Variants in SHANK2 observed in about 807,000 individuals in gnomAD.
SHANK2 encodes SH3 and multiple ankyrin repeat domains protein 2.
Under a neutral mutation model 133.7 loss-of-function variants are expected in SHANK2, and 43 were observed. The ratio of observed to expected loss-of-function variants is 0.32; its 90% CI spans 0.25 to 0.41. The LOEUF (loss-of-function observed/expected upper bound fraction) is 0.41. Among genes scored for constraint, SHANK2 ranks in the 10% least tolerant of loss-of-function variants. The pLI, the probability that SHANK2 is intolerant of heterozygous loss-of-function variation, is 1.00. For synonymous variants in SHANK2, 1,017 were observed against 952.8 expected (o/e 1.07, Z -1.24); for missense variants, 1,994 against 2,235.8 (o/e 0.89, Z 2.18).
At chr11:71,177,137 G>T (rs1268705850) in intron 2 of SHANK2, among the ~76,000 whole-genome samples, 1 of 116,370 alleles carries the variant, frequency 8.6e-6, no homozygotes, top group East Asian at 2.0e-4. Context: ...GTAGCCGAAA[G>T]AATTCATGAC....
chr11:71,119,114 C>A (rs1952037083), intron 3 of SHANK2, 82 bp from the exon 4 acceptor site: 12 of 1,238,888 alleles, frequency 9.7e-6, no homozygotes, highest in African/African-American at 1.5e-5. Flanking sequence ...GTCAGAGAGG[C>A]AAAGCTGCTT....
At chr11:71,134,247 G>C (rs1420383415) in intron 3 of SHANK2, among the ~76,000 whole-genome samples, 1 of 151,180 alleles carries the variant, frequency 6.6e-6, no homozygotes, top group Non-Finnish European at 1.5e-5. Flanking sequence ...ACGATGGCCA[G>C]AGCAGGCATC....
Position 70,787,326 on chromosome 11 carries a change from C to T in SHANK2, c.1777+11117G>A, listed in dbSNP as rs565621313. On this transcript the variant is annotated intron_variant, in intron 14 of 25. Transcript: ENST00000601538. ...AGCATCACCACCATCATCACCATGA[C>T]CACCATGACCACCACCACCACCAGC... Among the ~76,000 whole-genome samples, 3 of 147,750 alleles carry T rather than the reference C, an allele frequency of 2.0e-5. No individual in the cohort carries two copies. The Admixed American group carries it at 2.0e-4, about 10-fold the overall frequency.
chr11:71,212,692 C>G (rs1954307853), intron 2 of SHANK2, among the ~76,000 whole-genome samples: 1 of 152,228 alleles, frequency 6.6e-6, no homozygotes, highest in African/African-American at 2.4e-5. Flanking sequence ...AAACTCAATC[C>G]AAGTCCTCAA....
intron 2 of SHANK2, among the ~76,000 whole-genome samples, chr11:71,201,682 C>T (rs150292945): frequency 8.5e-5 from 13 of 152,338 alleles, no homozygotes; most frequent in South Asian, 2.1e-4. Context: ...CACAGGTTCA[C>T]GGCCACAGAG....
chr11:71,139,000 G>C (rs1422660336), intron 3 of SHANK2, among the ~76,000 whole-genome samples: 1 of 151,978 alleles, frequency 6.6e-6, no homozygotes, highest in African/African-American at 2.4e-5. Flanking sequence ...GAGAGAGGGA[G>C]GACAGCTGAG....
intron 11 of SHANK2, among the ~76,000 whole-genome samples, chr11:70,887,995 A>T (rs1486175702): frequency 6.6e-6 from 1 of 152,138 alleles, no homozygotes; most frequent in East Asian, 1.9e-4. Context: ...TATGTCTCCT[A>T]AGCTAAGTTG....
chr11:70,865,600 G>C lies in SHANK2; in HGVS notation c.1174+30901C>G, dbSNP rs930899853. On this transcript the variant is annotated intron_variant, in intron 11 of 25. Transcript: ENST00000601538. Reference sequence around the variant, plus strand: ...TGCCTCAGGGTGGGGTGGGGTGGCCGGGCAGGCTCAGCAGCAGAGGGTGGG... The same window carrying C: ...TGCCTCAGGGTGGGGTGGGGTGGCCCGGCAGGCTCAGCAGCAGAGGGTGGG... Among the ~76,000 whole-genome samples the C allele has an allele frequency of 2.0e-5, 3 of 152,194 alleles. No individual in the cohort carries two copies. The East Asian group carries it at 5.8e-4, about 29-fold the overall frequency.
intron 17 of SHANK2, among the ~76,000 whole-genome samples, chr11:70,653,168 T>C (rs1489767417): frequency 6.6e-6 from 1 of 151,874 alleles, no homozygotes; most frequent in Non-Finnish European, 1.5e-5. Context: ...AGAGACGGGG[T>C]TTCACCATGT....
At chr11:71,243,506 A>G (rs879955791) in intron 1 of SHANK2, among the ~76,000 whole-genome samples, 14 of 152,152 alleles carry the variant, frequency 9.2e-5, no homozygotes, top group Non-Finnish European at 1.8e-4. Context: ...CATCCTGGCT[A>G]GCACGGTGAA....
intron 11 of SHANK2, chr11:70,826,749 A>C: frequency 3.2e-6 from 1 of 308,008 alleles, no homozygotes; most frequent in Non-Finnish European, 6.5e-6. Context: ...GCTGCTCTCA[A>C]ACCCGGCTAC....
At chr11:70,915,372 A>G (rs1419919444) in intron 10 of SHANK2, among the ~76,000 whole-genome samples, 1 of 152,224 alleles carries the variant, frequency 6.6e-6, no homozygotes, top group Non-Finnish European at 1.5e-5. Context: ...TCTTTCAGTT[A>G]TGATTCATGG....
At position 70,712,454 on chromosome 11, in the gene SHANK2, C is replaced by T. The variant is rs528910093; in HGVS notation, c.1778-13691G>A. On this transcript the variant is annotated intron_variant, in intron 14 of 25. Coordinates refer to ENST00000601538, the MANE Select transcript of SHANK2 (RefSeq NM_012309.5). ...CAAAGAGACCATCCCTGTCAGACAG[C>T]ACAGCTGGGCAGGCTGTGCTCTGAA... Among the ~76,000 whole-genome samples the T allele has an allele frequency of 2.0e-4, 30 of 152,344 alleles. No homozygotes were observed. The South Asian group carries it at 2.9e-3, about 15-fold the overall frequency.
At chr11:70,732,291 G>C (rs1444814760) in intron 14 of SHANK2, among the ~76,000 whole-genome samples, 2 of 152,202 alleles carry the variant, frequency 1.3e-5, no homozygotes, top group Non-Finnish European at 2.9e-5. Context: ...GTGCCTGCAG[G>C]TCACAGACAA....
chr11:71,193,747 G>A (rs551214267), intron 2 of SHANK2, among the ~76,000 whole-genome samples: 85 of 152,240 alleles, frequency 5.6e-4, no homozygotes, highest in African/African-American at 1.9e-3. Context: ...CGCCCCCGGA[G>A]GCCAGGAGGC....
At chr11:70,756,409 C>T (rs1704050260) in intron 14 of SHANK2, among the ~76,000 whole-genome samples, 2 of 152,174 alleles carry the variant, frequency 1.3e-5, no homozygotes, top group South Asian at 4.1e-4. Flanking sequence ...TAGGGATAGA[C>T]AGGAGGTGAA....
chr11:70,748,707 T>C (rs904138540), intron 14 of SHANK2, among the ~76,000 whole-genome samples: 1 of 152,312 alleles, frequency 6.6e-6, no homozygotes, highest in South Asian at 2.1e-4. Flanking sequence ...GCAGACAAAC[T>C]AGAAGAAGGA....
Position 70,500,736 on chromosome 11 carries a change from G to A in SHANK2, c.2288-146C>T, listed in dbSNP as rs782105671. 68 of 1,059,836 alleles carry A rather than the reference G, an allele frequency of 6.4e-5. No homozygotes were observed. In the African/African-American group the frequency reaches 6.8e-4, roughly 11 times the overall value. The allele number at this position is 1,059,836 out of a possible 1,614,324, so 65.7% of individuals were successfully genotyped here. On this transcript the variant is annotated intron_variant, in intron 20 of 25. Coordinates refer to ENST00000601538, the MANE Select transcript of SHANK2 (RefSeq NM_012309.5). This position sits in a 1 kb window ranked among gnomAD's most constrained non-coding sequence, Gnocchi z 4.5. ...AGGCAGGGGCTGTCTGGAACGCTGCGAACGCAGGCTGCGCTATCCATGGAG... is the reference window on the plus strand; with the variant it reads ...AGGCAGGGGCTGTCTGGAACGCTGCAAACGCAGGCTGCGCTATCCATGGAG...
chr11:71,173,086 G>A (rs1378545673), intron 2 of SHANK2, among the ~76,000 whole-genome samples: 1 of 152,228 alleles, frequency 6.6e-6, no homozygotes, highest in African/African-American at 2.4e-5. Flanking sequence ...CTTGTTTGAT[G>A]AAGTGTCTTA....
Sources: allele counts gnomAD v4.1 joint callset (sites outside exome capture counted in the v4.1 genomes callset), GRCh38; gene constraint gnomAD v4.1.1; non-coding constraint Gnocchi (gnomAD v3.1); transcripts MANE v1.5; gene names NCBI Gene and HGNC (gene_info 2026-07-23, HGNC 2026-07-21).